The following SLIT3 variants were observed in gnomAD, a reference collection of about 807,000 sequenced individuals.
The protein encoded by SLIT3 is slit guidance ligand 3, also known as slit homolog 3 protein.
A neutral mutation model predicts 184.0 loss-of-function variants in SLIT3; 68 were observed. The ratio of observed to expected loss-of-function variants is 0.37; its 90% CI spans 0.30 to 0.45. SLIT3 has a LOEUF of 0.45. Among genes scored for constraint, SLIT3 ranks in the 20% least tolerant of loss-of-function variants. The pLI is 1.00. For synonymous variants in SLIT3, 831 were observed against 828.6 expected, an observed-to-expected ratio of 1.00 and a Z score of -0.05; for missense variants, 1,707 against 2,026.0, an observed-to-expected ratio of 0.84 and a Z score of 3.02.
chr5:168,970,962 A>T (rs1411798993), intron 4 of SLIT3, among the ~76,000 whole-genome samples: 1 of 152,206 alleles, frequency 6.6e-6, no homozygotes, highest in Non-Finnish European at 1.5e-5. Flanking sequence ...CCCTCCATGA[A>T]GAGCTTGCAT....
intron 25 of SLIT3, among the ~76,000 whole-genome samples, chr5:168,708,881 CTGTT>C (rs1376738039): frequency 2.0e-5 from 3 of 152,138 alleles, no homozygotes; most frequent in Admixed American, 6.5e-5. Context: ...CAGTGAGTGA[CTGTT>C]TGTGGATGAG....
intron 7 of SLIT3, among the ~76,000 whole-genome samples, chr5:168,820,595 C>T (rs1398304213): frequency 2.6e-5 from 4 of 152,178 alleles, no homozygotes; most frequent in African/African-American, 9.7e-5. Flanking sequence ...CTCTTCCCAG[C>T]CCATGGCCCT....
chr5:168,725,781 G>T (rs959101689), intron 20 of SLIT3, among the ~76,000 whole-genome samples: 1 of 152,210 alleles, frequency 6.6e-6, no homozygotes, highest in Non-Finnish European at 1.5e-5. Flanking sequence ...TAAGGTGCTA[G>T]CACACTACCT....
intron 4 of SLIT3, among the ~76,000 whole-genome samples, chr5:168,917,100 TC>T (rs1363698625): frequency 6.6e-5 from 10 of 152,192 alleles, no homozygotes; most frequent in African/African-American, 2.4e-4. Context: ...TTTCTATCCC[TC>T]TAGTGGGATG....
At chr5:169,070,215 T>A (rs1758493685) in intron 4 of SLIT3, among the ~76,000 whole-genome samples, 1 of 152,126 alleles carries the variant, frequency 6.6e-6, no homozygotes, top group Non-Finnish European at 1.5e-5. Context: ...TGCAGTATGT[T>A]CGAGTGATGT....
At chr5:168,706,675 T>C (rs1427797434) in intron 26 of SLIT3, 2 of 152,196 alleles carry the variant, frequency 1.3e-5, no homozygotes, top group Admixed American at 6.5e-5. Context: ...GGTCTGGGAC[T>C]CAGTGGTAAG....
At chr5:168,822,316 G>A (rs753974464) in intron 7 of SLIT3, among the ~76,000 whole-genome samples, 6 of 152,142 alleles carry the variant, frequency 3.9e-5, no homozygotes, top group Non-Finnish European at 7.3e-5. Flanking sequence ...AATTTCATCT[G>A]ATCCTCACCA....
chr5:169,027,854 C>T (rs1349175535), intron 4 of SLIT3, among the ~76,000 whole-genome samples: 1 of 152,166 alleles, frequency 6.6e-6, no homozygotes, highest in Non-Finnish European at 1.5e-5. Context: ...GTTCAAAGAT[C>T]TCCTGGTGCA....
At chr5:168,750,464 G>A (rs1163085060) in intron 18 of SLIT3, among the ~76,000 whole-genome samples, 1 of 152,222 alleles carries the variant, frequency 6.6e-6, no homozygotes, top group Non-Finnish European at 1.5e-5. Flanking sequence ...GCCCTTGAGT[G>A]GCTGTAGGAT....
intron 4 of SLIT3, among the ~76,000 whole-genome samples, chr5:169,136,578 A>G (rs1761508704): frequency 6.6e-6 from 1 of 152,186 alleles, no homozygotes; most frequent in Non-Finnish European, 1.5e-5. Flanking sequence ...ACATGTCAAC[A>G]AGGCTATGGT....
At chr5:168,825,808 G>C (rs764848971) in intron 6 of SLIT3, among the ~76,000 whole-genome samples, 46 of 152,132 alleles carry the variant, frequency 3.0e-4, no homozygotes, top group Non-Finnish European at 5.7e-4. Context: ...GAGCTTCCTG[G>C]GGGTGAGGGC....
At chr5:168,996,045 G>C (rs1263721435) in intron 4 of SLIT3, among the ~76,000 whole-genome samples, 1 of 152,180 alleles carries the variant, frequency 6.6e-6, no homozygotes, top group South Asian at 2.1e-4. Flanking sequence ...TGAGATCAAT[G>C]ATATCCACCA....
rs1019092147 is a variant in SLIT3 at position 168,745,911 on chromosome 5, A to T, written c.2270+2391T>A. ...TAGCAGCCATCAACATCAAGACAAG[A>T]CCCCCGACTAGGAAAAAGATTATAA... On this transcript the variant is annotated intron_variant, in intron 20 of 35. Coordinates refer to ENST00000519560, the MANE Select transcript of SLIT3 (RefSeq NM_003062.4). Among the ~76,000 whole-genome samples, 6 of 152,082 alleles carry T rather than the reference A, an allele frequency of 3.9e-5. 1 individual carries two copies. The highest frequency in any genetic ancestry group is 1.4e-4 in the African/African-American group (6 of 41,472).
Position 168,755,242 on chromosome 5 carries a change from G to T in SLIT3, c.1686-1235C>A, listed in dbSNP as rs78000254. Among the ~76,000 whole-genome samples, 636 of 152,196 alleles carry T rather than the reference G, an allele frequency of 4.2e-3. 4 individuals carry two copies. The highest frequency in any genetic ancestry group is 0.015 in the African/African-American group (607 of 41,538). ...CTGGGATTTGAAGCCAGGTTTTCTG[G>T]CATATCAAATGTACTCCATTGAACC... On this transcript the variant is annotated intron_variant, in intron 16 of 35. Coordinates refer to ENST00000519560, the MANE Select transcript of SLIT3 (RefSeq NM_003062.4).
chr5:169,073,184 A>C (rs777345525), intron 4 of SLIT3, among the ~76,000 whole-genome samples: 5 of 152,102 alleles, frequency 3.3e-5, no homozygotes, highest in Non-Finnish European at 5.9e-5. Flanking sequence ...TGGTTTCTCC[A>C]TGTAACAAGG....
intron 3 of SLIT3, among the ~76,000 whole-genome samples, chr5:169,229,191 A>G (rs191497085): frequency 5.1e-4 from 78 of 152,222 alleles, no homozygotes; most frequent in African/African-American, 1.8e-3. Flanking sequence ...ATGCTTTGAA[A>G]TGCAGAAGTC....
At chr5:169,122,391 G>A (rs1760914403) in intron 4 of SLIT3, among the ~76,000 whole-genome samples, 1 of 152,204 alleles carries the variant, frequency 6.6e-6, no homozygotes, top group Admixed American at 6.5e-5. Context: ...GAAGGTGCCT[G>A]CCTTTCACAT....
chr5:169,063,309 T>A (rs1441017954), intron 4 of SLIT3, among the ~76,000 whole-genome samples: 1 of 152,224 alleles, frequency 6.6e-6, no homozygotes, highest in Non-Finnish European at 1.5e-5. Context: ...TGCCCCTTGA[T>A]AGCCATGAGA....
At chr5:169,206,006 C>T (rs1764055024) in intron 3 of SLIT3, among the ~76,000 whole-genome samples, 2 of 152,188 alleles carry the variant, frequency 1.3e-5, no homozygotes, top group Admixed American at 6.5e-5. Flanking sequence ...CCAGGTGGGA[C>T]ATCCACATAA....
Sources: allele counts gnomAD v4.1 joint callset (sites outside exome capture counted in the v4.1 genomes callset), GRCh38; gene constraint gnomAD v4.1.1; transcripts MANE v1.5; gene names NCBI Gene and HGNC (gene_info 2026-07-23, HGNC 2026-07-21).